The following SMAD6 variants were observed in gnomAD, a reference collection of about 807,000 sequenced individuals.
The protein encoded by SMAD6 is MAD homolog 6.
SMAD6 carries 103 observed loss-of-function variants against 39.4 expected under a neutral mutation model. The observed-to-expected ratio is 2.62, with a 90% CI of 2.23 to 3.08. SMAD6 has a LOEUF of 3.08. Among genes scored for constraint, SMAD6 ranks in the 30% most tolerant of loss-of-function variants. The pLI is 0.00. For missense variants in SMAD6, 1,104 were observed against 742.9 expected, an observed-to-expected ratio of 1.49 and a Z score of -5.65; for synonymous variants, 445 against 353.3, an observed-to-expected ratio of 1.26 and a Z score of -2.91.
intron 3 of SMAD6, among the ~76,000 whole-genome samples, chr15:66,765,739 T>C (rs1243624514): frequency 6.6e-6 from 1 of 152,162 alleles, no homozygotes; most frequent in East Asian, 1.9e-4. Context: ...GTTGGGTTGG[T>C]GCTATGGGAT....
intron 3 of SMAD6, among the ~76,000 whole-genome samples, chr15:66,732,350 A>C (rs571426818): frequency 6.6e-6 from 1 of 151,832 alleles, no homozygotes; most frequent in South Asian, 2.1e-4. Flanking sequence ...AAATCTTTGC[A>C]CTTCCCCTCC....
At position 66,781,301 on chromosome 15, in the gene SMAD6, G is replaced by A. The variant is rs771448780; in HGVS notation, c.1257G>A (p.Ala419=). 4.4e-6 allele frequency: 7 copies of A among 1,602,670 alleles called. No individual in the cohort carries two copies. The Admixed American group carries it at 5.0e-5, about 11-fold the overall frequency. ...PIFVNSPTLD[A]PGGRALVVRK... is the part of the protein sequence containing the mutation. ...TCGTCAACTCCCCGACGCTGGACGCGCCCGGCGGCCGCGCCCTGGTCGTGC... is the reference window on the plus strand; with the variant it reads ...TCGTCAACTCCCCGACGCTGGACGCACCCGGCGGCCGCGCCCTGGTCGTGC... Residue 419 remains alanine (A), a synonymous_variant, in exon 4 of 4, where the codon GCG becomes GCA. Transcript: ENST00000288840.
intron 3 of SMAD6, chr15:66,717,280 G>C: frequency 2.0e-6 from 1 of 506,506 alleles, no homozygotes; most frequent in Non-Finnish European, 3.7e-6. Context: ...TACCTTGTGG[G>C]CATGTCTGGA....
rs77109940 is a variant in SMAD6, at chr15:66,737,480, G to A, written c.952+20982G>A. On this transcript the variant is annotated intron_variant, in intron 3 of 3. Coordinates refer to ENST00000288840, the MANE Select transcript of SMAD6 (RefSeq NM_005585.5). ...AGCTCAGTACTTCTCCACCTCCGAC[G>A]GTAGTGCCTGGCATGGTGTAGGCAC... Among the ~76,000 whole-genome samples, 1,448 of 152,244 alleles carry A rather than the reference G, an allele frequency of 9.5e-3. 23 individuals carry two copies. Among genetic ancestry groups the A allele is most frequent in the African/African-American group, 0.034 (1,399 of 41,536 alleles).
intron 3 of SMAD6, among the ~76,000 whole-genome samples, chr15:66,734,593 GA>G (rs1555436460): frequency 3.3e-5 from 5 of 152,168 alleles, no homozygotes; most frequent in Non-Finnish European, 7.4e-5. Context: ...TCATTTTACA[GA>G]TAAAGAAACT....
intron 3 of SMAD6, among the ~76,000 whole-genome samples, chr15:66,772,060 G>A (rs969937763): frequency 2.6e-5 from 4 of 152,164 alleles, no homozygotes; most frequent in East Asian, 3.8e-4. Flanking sequence ...CCCTCTTCAC[G>A]TCCAGTGTTT....
chr15:66,774,557 A>T (rs907398947), intron 3 of SMAD6, among the ~76,000 whole-genome samples: 1 of 152,110 alleles, frequency 6.6e-6, no homozygotes, highest in Admixed American at 6.5e-5. Context: ...ACCGGGAGGG[A>T]ACAGGGCTTG....
chr15:66,779,880 C>CA (rs1320448995), intron 3 of SMAD6, among the ~76,000 whole-genome samples: 5 of 152,244 alleles, frequency 3.3e-5, no homozygotes, highest in Non-Finnish European at 5.9e-5. Context: ...GCCTGCTTCT[C>CA]AGAGCTGTGA....
intron 3 of SMAD6, among the ~76,000 whole-genome samples, chr15:66,721,054 T>C (rs1893422709): frequency 6.6e-6 from 1 of 152,188 alleles, no homozygotes; most frequent in Non-Finnish European, 1.5e-5. Flanking sequence ...CCAACCAGAC[T>C]GTAAGCTCCT....
chr15:66,712,837 T>C (rs1893258689), intron 2 of SMAD6, among the ~76,000 whole-genome samples: 1 of 151,746 alleles, frequency 6.6e-6, no homozygotes, highest in African/African-American at 2.4e-5. Flanking sequence ...CAAGACCCCA[T>C]CTCTATAAAA....
At position 66,782,079 on chromosome 15, in the gene SMAD6, A is replaced by T; in HGVS notation, c.*544A>T. The T allele has an allele frequency of 2.5e-6, 1 of 396,792 alleles. No individual in the cohort carries two copies. The highest frequency in any genetic ancestry group is 4.4e-6 in the Non-Finnish European group (1 of 225,456). The allele number at this position is 396,792 out of a possible 1,614,324, so 24.6% of individuals were successfully genotyped here. ...ATCATGTACCTTGAAACTTGACCTC[A>T]GTTTTCAAGTTTTACTTTTATTGGA... On this transcript the variant is annotated 3_prime_UTR_variant, in exon 4 of 4. Transcript: ENST00000288840.
In SMAD6 at chr15:66,741,329, CCCCACCCTCAAA is replaced by C. The variant is rs761033123; in HGVS notation, c.952+24832_952+24843del. ...CCCATTTGAGGTGGTTTGCCTCAAACCCCACCCTCAAATCCATCACGTTTGAGGTGGATTGCC... is the reference window on the plus strand; with the variant it reads ...CCCATTTGAGGTGGTTTGCCTCAAACTCCATCACGTTTGAGGTGGATTGCC... On this transcript the variant is annotated intron_variant, in intron 3 of 3. Coordinates refer to ENST00000288840, the MANE Select transcript of SMAD6 (RefSeq NM_005585.5). Among the ~76,000 whole-genome samples, 53 of 30,864 alleles carry C rather than the reference CCCCACCCTCAAA, an allele frequency of 1.7e-3. No homozygotes were observed. The Admixed American group carries it at 0.017, about 10-fold the overall frequency. 20.2% of individuals were successfully genotyped at this position (30,864 alleles called of 152,430 possible). A position where few individuals can be genotyped will look rare whatever the true frequency, so the allele number is the denominator to read the frequency against.
chr15:66,703,543 G>C lies in SMAD6; in HGVS notation c.285G>C (p.Glu95Asp). 8.2e-7 allele frequency: 1 copy of C among 1,221,846 alleles called. No individual in the cohort carries two copies. 75.7% of individuals were successfully genotyped at this position (1,221,846 alleles called of 1,614,324 possible). ...RAGGPPRPMSEPGAGAGSSLL... is the reference protein window; with the variant it reads ...RAGGPPRPMSDPGAGAGSSLL... ...GGGGCCCCCCGAGGCCCATGTCGGA[G>C]CCAGGGGCCGGCGCTGGGAGCTCCC... The change falls in exon 1 of 4, where the codon GAG (glutamate) becomes GAC (aspartate). Residue 95 changes from glutamate to aspartate, a missense_variant. Glu to Asp is a conservative substitution (Grantham distance 45). Transcript: ENST00000288840.
At chr15:66,713,621 C>A (rs748766123) in intron 2 of SMAD6, among the ~76,000 whole-genome samples, 9 of 152,162 alleles carry the variant, frequency 5.9e-5, no homozygotes, top group Non-Finnish European at 1.0e-4. Flanking sequence ...CCTGGCTGGG[C>A]AAGTCACTTC....
intron 2 of SMAD6, among the ~76,000 whole-genome samples, chr15:66,713,208 G>A (rs761073746): frequency 3.9e-5 from 6 of 152,204 alleles, no homozygotes; most frequent in East Asian, 1.9e-4. Flanking sequence ...GTCAGATGGC[G>A]TGGCAACGAT....
intron 3 of SMAD6, among the ~76,000 whole-genome samples, chr15:66,750,102 GGGGGAC>G (rs1458185673): frequency 6.6e-6 from 1 of 151,988 alleles, no homozygotes; most frequent in Non-Finnish European, 1.5e-5. Flanking sequence ...GGGCTGCTGT[GGGGGAC>G]GCAGGGGGCC....
intron 3 of SMAD6, among the ~76,000 whole-genome samples, chr15:66,750,890 C>G (rs549890860): frequency 6.6e-6 from 1 of 152,102 alleles, no homozygotes; most frequent in Non-Finnish European, 1.5e-5. Flanking sequence ...GCAGGCAGGG[C>G]GAGTCCTAGG....
chr15:66,742,295 A>G (rs1321577221), intron 3 of SMAD6, among the ~76,000 whole-genome samples: 1 of 152,134 alleles, frequency 6.6e-6, no homozygotes, highest in Non-Finnish European at 1.5e-5. Flanking sequence ...TCTGGTCCTT[A>G]TAATCCCACC....
intron 3 of SMAD6, among the ~76,000 whole-genome samples, chr15:66,758,969 G>A (rs1284541519): frequency 1.3e-5 from 2 of 152,308 alleles, no homozygotes; most frequent in Admixed American, 1.3e-4. Flanking sequence ...AACTTTTTCT[G>A]TAAAATGGAT....
Sources: gnomAD v4.1 joint callset for allele counts (sites outside exome capture counted in the v4.1 genomes callset) on GRCh38, gnomAD v4.1.1 for gene constraint, MANE v1.5 for transcripts, NCBI Gene and HGNC (gene_info 2026-07-23, HGNC 2026-07-21) for gene names.